Variants in SCAND3 observed in about 807,000 individuals in gnomAD.
SCAND3 encodes SCAN domain-containing protein 3.
chr6:28,608,418 A>G, the SCAND3 span, among the ~76,000 whole-genome samples: 2 of 151,958 alleles, frequency 1.3e-5, no homozygotes, highest in Non-Finnish European at 2.9e-5. Context: ...TGGGTACCCT[A>G]CGGGTGGTGT....
chr6:28,581,794 C>T, the SCAND3 span, among the ~76,000 whole-genome samples: 22 of 152,334 alleles, frequency 1.4e-4, no homozygotes, highest in African/African-American at 4.6e-4. Context: ...GCATAGTTAA[C>T]TCTAGAACAA....
At chr6:28,591,794 A>G in the SCAND3 span, 1 of 152,224 alleles carries the variant, frequency 6.6e-6, no homozygotes, top group Non-Finnish European at 1.5e-5. Flanking sequence ...TCAAAGATGT[A>G]TAGGCATATC....
the SCAND3 span, chr6:28,575,741 C>T: frequency 1.2e-6 from 2 of 1,614,046 alleles, no homozygotes; most frequent in South Asian, 1.1e-5. The surrounding 1 kb of genome is among the most constrained non-coding windows in gnomAD (Gnocchi z 4.2). Context: ...CGAGTACGTC[C>T]ACCATGTCCA....
chr6:28,592,977 A>G, the SCAND3 span, among the ~76,000 whole-genome samples: 1 of 151,744 alleles, frequency 6.6e-6, no homozygotes, highest in Non-Finnish European at 1.5e-5. The surrounding 1 kb of genome is among the most constrained non-coding windows in gnomAD (Gnocchi z 4.1). Context: ...TTAATAAATA[A>G]GGGAAAAGCT....
the SCAND3 span, among the ~76,000 whole-genome samples, chr6:28,600,997 G>A: frequency 6.6e-6 from 1 of 150,428 alleles, no homozygotes; most frequent in Non-Finnish European, 1.5e-5. Flanking sequence ...CATCTCCCAG[G>A]GTTCACGCCA....
chr6:28,586,338 A>C, the SCAND3 span: 3 of 1,612,494 alleles, frequency 1.9e-6, no homozygotes, highest in Admixed American at 5.0e-5. The surrounding 1 kb of genome is among the most constrained non-coding windows in gnomAD (Gnocchi z 4.4). Context: ...CAAATCTTCC[A>C]GCAAAGTCAC....
the SCAND3 span, among the ~76,000 whole-genome samples, chr6:28,580,923 C>T: frequency 6.6e-6 from 1 of 151,986 alleles, no homozygotes; most frequent in Non-Finnish European, 1.5e-5. Flanking sequence ...CTGCCTCTAC[C>T]ACAGAAGTTT....
the SCAND3 span, among the ~76,000 whole-genome samples, chr6:28,605,801 G>C: frequency 6.6e-6 from 1 of 152,022 alleles, no homozygotes; most frequent in Non-Finnish European, 1.5e-5. Context: ...AGCCGAGATC[G>C]CGCCATTGCA....
At chr6:28,590,607 C>T in the SCAND3 span, 1 of 152,208 alleles carries the variant, frequency 6.6e-6, no homozygotes, top group Non-Finnish European at 1.5e-5. Flanking sequence ...AAATTAATCT[C>T]TTCTATGATG....
chr6:28,594,203 T>C, the SCAND3 span: 1 of 152,130 alleles, frequency 6.6e-6, no homozygotes, highest in African/African-American at 2.4e-5. Flanking sequence ...AAACTAAAAA[T>C]AAAATTACCT....
chr6:28,602,164 T>C, the SCAND3 span, among the ~76,000 whole-genome samples: 1 of 152,224 alleles, frequency 6.6e-6, no homozygotes, highest in Admixed American at 6.5e-5. Flanking sequence ...TGATGGGTTA[T>C]CTTTTCTCAC....
At chr6:28,607,156 G>A in the SCAND3 span, among the ~76,000 whole-genome samples, 7 of 152,194 alleles carry the variant, frequency 4.6e-5, no homozygotes, top group South Asian at 2.1e-4. Context: ...GTCTGTGGTT[G>A]GGGGTGTAGC....
chr6:28,606,530 C>T, the SCAND3 span, among the ~76,000 whole-genome samples: 1 of 152,150 alleles, frequency 6.6e-6, no homozygotes, highest in African/African-American at 2.4e-5. Flanking sequence ...TACTACCCCA[C>T]CCCAACCCCC....
At chr6:28,573,443 TTATA>T in the SCAND3 span, 10 of 1,614,018 alleles carry the variant, frequency 6.2e-6, no homozygotes, top group Admixed American at 1.7e-4. Flanking sequence ...GCACTAATGT[TTATA>T]TGAGAAACGT....
chr6:28,612,064 TCTCA>T, the SCAND3 span, among the ~76,000 whole-genome samples: 1 of 150,916 alleles, frequency 6.6e-6, no homozygotes, highest in Non-Finnish European at 1.5e-5. Context: ...TGAGATGGAG[TCTCA>T]CTCTGTTTCC....
the SCAND3 span, among the ~76,000 whole-genome samples, chr6:28,607,204 C>T: frequency 6.6e-5 from 10 of 152,150 alleles, no homozygotes; most frequent in Non-Finnish European, 1.3e-4. Context: ...TACGAGGTCC[C>T]GGGTTCAATC....
At chr6:28,574,398 C>A in the SCAND3 span, among the ~76,000 whole-genome samples, 1 of 151,972 alleles carries the variant, frequency 6.6e-6, no homozygotes, top group Non-Finnish European at 1.5e-5. Context: ...ATTTAAATTC[C>A]CAAACTGAAG....
At chr6:28,614,556 C>G in the SCAND3 span, among the ~76,000 whole-genome samples, 1 of 152,056 alleles carries the variant, frequency 6.6e-6, no homozygotes, top group African/African-American at 2.4e-5. Flanking sequence ...CCTCCGCCTC[C>G]CTGGTTCAAG....
At chr6:28,579,392 C>T in the SCAND3 span, 21 of 1,613,954 alleles carry the variant, frequency 1.3e-5, no homozygotes, top group Non-Finnish European at 1.8e-5. The surrounding 1 kb of genome is among the most constrained non-coding windows in gnomAD (Gnocchi z 4.5). Flanking sequence ...TCCATAGAAA[C>T]TTCCTGCCCA....
Sources: allele counts gnomAD v4.1 joint callset (sites outside exome capture counted in the v4.1 genomes callset), GRCh38; gene constraint gnomAD v4.1.1; non-coding constraint Gnocchi (gnomAD v3.1); transcripts MANE v1.5; gene names NCBI Gene and HGNC (gene_info 2026-07-23, HGNC 2026-07-21).